The following SAMD13 variants were observed in gnomAD, a reference collection of about 807,000 sequenced individuals.
SAMD13 encodes the protein sterile alpha motif domain containing 13.
Under a neutral mutation model 12.4 loss-of-function variants are expected in SAMD13, and 9 were observed. That is an observed-to-expected ratio of 0.72 (90% CI 0.44 to 1.26). The LOEUF (loss-of-function observed/expected upper bound fraction) is 1.26. SAMD13 is among the 50% of genes most tolerant of loss of function. The probability of loss-of-function intolerance (pLI) is 0.00; values close to 1 mark genes in which losing one functional copy is unlikely to be tolerated. For missense variants in SAMD13, 84 were observed against 119.6 expected (o/e 0.70, Z 1.39); for synonymous variants, 46 against 45.4 (o/e 1.01, Z -0.05).
chr1:84,315,111 G>C (rs982954602), intron 2 of SAMD13, among the ~76,000 whole-genome samples: 7 of 149,736 alleles, frequency 4.7e-5, no homozygotes, highest in African/African-American at 1.7e-4. Context: ...TTTACTATGA[G>C]TTCTACACTC....
chr1:84,332,821 G>T (rs1679220313), intron 3 of SAMD13, among the ~76,000 whole-genome samples: 1 of 152,100 alleles, frequency 6.6e-6, no homozygotes, highest in Non-Finnish European at 1.5e-5. Flanking sequence ...TGTCCAGAAT[G>T]GTATTTCCTA....
At chr1:84,302,576 A>C (rs974029697) in intron 1 of SAMD13, 4 of 661,550 alleles carry the variant, frequency 6.0e-6, no homozygotes, top group Admixed American at 6.5e-5. Context: ...ACACACACAC[A>C]CCAGCACCAC....
chr1:84,332,707 T>C (rs1570252302), intron 3 of SAMD13, among the ~76,000 whole-genome samples: 2 of 152,350 alleles, frequency 1.3e-5, no homozygotes, highest in South Asian at 4.1e-4. Flanking sequence ...ATAGTTATTT[T>C]GCTATGCAGA....
At chr1:84,303,143 T>C (rs1678487966) in intron 1 of SAMD13, 60 bp from the exon 2 acceptor site, 1 of 1,268,342 alleles carries the variant, frequency 7.9e-7, no homozygotes, top group South Asian at 1.2e-5. Flanking sequence ...CGATTCAGAA[T>C]ATATATTCTT....
chr1:84,311,743 A>G (rs554193293), intron 2 of SAMD13, among the ~76,000 whole-genome samples: 19 of 152,368 alleles, frequency 1.2e-4, no homozygotes, highest in African/African-American at 4.3e-4. Flanking sequence ...AGCATTGCTG[A>G]AGCACCATCC....
At chr1:84,312,568 A>G (rs140687555) in intron 2 of SAMD13, among the ~76,000 whole-genome samples, 22 of 152,242 alleles carry the variant, frequency 1.4e-4, no homozygotes, top group African/African-American at 5.3e-4. Context: ...CTGGGTGAAT[A>G]GGAAAAAATT....
chr1:84,347,753 G>A (rs899219500), intron 3 of SAMD13, among the ~76,000 whole-genome samples: 10 of 152,108 alleles, frequency 6.6e-5, no homozygotes, highest in South Asian at 2.1e-4. Flanking sequence ...TCTTCAGCAC[G>A]GCTACTGTGG....
chr1:84,301,605 A>G (rs1450382423), upstream of SAMD13: 4 of 985,346 alleles, frequency 4.1e-6, no homozygotes, highest in East Asian at 2.3e-4. Context: ...GCCATGAACC[A>G]GAAGGCAGTT....
intron 2 of SAMD13, among the ~76,000 whole-genome samples, chr1:84,319,467 C>CA (rs1483860051): frequency 6.6e-6 from 1 of 151,602 alleles, no homozygotes; most frequent in Non-Finnish European, 1.5e-5. Flanking sequence ...ACTAAAAATA[C>CA]AAAAAATACA....
At chr1:84,299,812 C>G (rs371424742), upstream of SAMD13, among the ~76,000 whole-genome samples, 11 of 152,104 alleles carry the variant, frequency 7.2e-5, no homozygotes, top group African/African-American at 2.6e-4. Flanking sequence ...TAACTTCCTA[C>G]AACACTTTCT....
At chr1:84,327,305 A>C (rs916798259) in intron 3 of SAMD13, among the ~76,000 whole-genome samples, 1 of 152,204 alleles carries the variant, frequency 6.6e-6, no homozygotes, top group Non-Finnish European at 1.5e-5. Context: ...AGTCTCAAAA[A>C]CATATTACTG....
intron 2 of SAMD13, among the ~76,000 whole-genome samples, chr1:84,304,960 A>G (rs1572687906): frequency 6.6e-6 from 1 of 152,160 alleles, no homozygotes; most frequent in South Asian, 2.1e-4. Flanking sequence ...CTTAGGTATT[A>G]TAAATAAAGC....
chr1:84,298,973 C>G (rs1044060580), upstream of SAMD13, among the ~76,000 whole-genome samples: 1 of 152,172 alleles, frequency 6.6e-6, no homozygotes, highest in Non-Finnish European at 1.5e-5. Context: ...CAGAAACTTT[C>G]CCCGCTTTGT....
intron 2 of SAMD13, among the ~76,000 whole-genome samples, chr1:84,306,189 G>A (rs1001190852): frequency 2.8e-4 from 43 of 152,004 alleles, no homozygotes; most frequent in Admixed American, 2.8e-3. Context: ...TGAAGATCTT[G>A]CACCTTTTTG....
chr1:84,330,055 A>G (rs555211943), intron 3 of SAMD13, among the ~76,000 whole-genome samples: 1 of 152,068 alleles, frequency 6.6e-6, no homozygotes, highest in African/African-American at 2.4e-5. Context: ...TGTGGGGGCT[A>G]TTTTCCCAAG....
chr1:84,317,784 A>C (rs1184013934), intron 2 of SAMD13, among the ~76,000 whole-genome samples: 1 of 152,022 alleles, frequency 6.6e-6, no homozygotes, highest in African/African-American at 2.4e-5. Flanking sequence ...TTCTTCCTTA[A>C]ATGTTTGGTA....
intron 3 of SAMD13, among the ~76,000 whole-genome samples, chr1:84,338,320 A>T (rs189601164): frequency 1.3e-5 from 2 of 152,124 alleles, no homozygotes; most frequent in South Asian, 2.1e-4. Context: ...ACAGTTCCAC[A>T]TGGCTGGGGA....
chr1:84,341,968 T>C (rs1679436791), intron 3 of SAMD13, among the ~76,000 whole-genome samples: 1 of 152,230 alleles, frequency 6.6e-6, no homozygotes, highest in South Asian at 2.1e-4. Context: ...GGTGGGGATT[T>C]TCTGCTTCAC....
chr1:84,305,481 G>T (rs1057012459), intron 2 of SAMD13, among the ~76,000 whole-genome samples: 11 of 151,924 alleles, frequency 7.2e-5, no homozygotes, highest in Non-Finnish European at 1.2e-4. Flanking sequence ...ATCTTTCAAA[G>T]TATCAAAGTT....
Sources: allele counts gnomAD v4.1 joint callset (sites outside exome capture counted in the v4.1 genomes callset), GRCh38; gene constraint gnomAD v4.1.1; transcripts MANE v1.5; gene names NCBI Gene and HGNC (gene_info 2026-07-23, HGNC 2026-07-21).